The following TDRD9 variants were observed in gnomAD, a reference collection of about 807,000 sequenced individuals.
The protein encoded by TDRD9 is tudor domain containing 9.
In TDRD9, 124 loss-of-function variants were observed where a neutral mutation model predicts 172.6. That is an observed-to-expected ratio of 0.72 (90% CI 0.62 to 0.83). TDRD9 has a LOEUF of 0.83. TDRD9 is among the 40% of genes least tolerant of loss of function. The pLI is 0.00. For missense variants in TDRD9, 1,479 were observed against 1,714.1 expected (o/e 0.86, Z 2.42); for synonymous variants, 619 against 617.1 (o/e 1.00, Z -0.05).
chr14:103,985,351 A>G (rs942673344), intron 7 of TDRD9, among the ~76,000 whole-genome samples: 1 of 152,200 alleles, frequency 6.6e-6, no homozygotes, highest in Non-Finnish European at 1.5e-5. Context: ...TGTTCTTATG[A>G]TAGTGAGTAA....
intron 3 of TDRD9, among the ~76,000 whole-genome samples, chr14:103,964,368 C>CT (rs2032642171): frequency 2.6e-5 from 4 of 152,176 alleles, no homozygotes; most frequent in African/African-American, 9.7e-5. Flanking sequence ...TTTGCAGATT[C>CT]ATTACAAAAT....
At chr14:103,937,925 T>C (rs2030882375) in intron 1 of TDRD9, among the ~76,000 whole-genome samples, 1 of 152,008 alleles carries the variant, frequency 6.6e-6, no homozygotes, top group Non-Finnish European at 1.5e-5. Context: ...TTAAGTTGCC[T>C]GTGAGCATCC....
Position 103,952,190 on chromosome 14 carries a change from G to GTGTGTGTA in TDRD9, c.216-3473_216-3472insGTGTGTAT, listed in dbSNP as rs1366094210. On this transcript the variant is annotated intron_variant, in intron 1 of 35. Coordinates refer to ENST00000409874, the MANE Select transcript of TDRD9 (RefSeq NM_153046.3). ...TGTATATATGTGTGTGCGTGTGTGT[G>GTGTGTGTA]TATATATATATATATATATATATAT... Among the ~76,000 whole-genome samples, 136 of 55,518 alleles carry GTGTGTGTA rather than the reference G, an allele frequency of 2.4e-3. 1 individual carries two copies. The highest frequency in any genetic ancestry group is 8.8e-3 in the African/African-American group (128 of 14,528). 36.4% of individuals were successfully genotyped at this position (55,518 alleles called of 152,430 possible). A position where few individuals can be genotyped will look rare whatever the true frequency, so the allele number is the denominator to read the frequency against.
intron 4 of TDRD9, 37 bp from the exon 5 acceptor site, chr14:103,966,672 C>CTTTTTTTTTTTT: frequency 6.8e-7 from 1 of 1,466,468 alleles, no homozygotes; most frequent in Admixed American, 2.6e-5. Flanking sequence ...CTTTTTTTTT[C>CTTTTTTTTTTTT]TCTTTTTTCC....
intron 7 of TDRD9, among the ~76,000 whole-genome samples, chr14:103,976,217 C>A (rs2033233961): frequency 6.6e-6 from 1 of 151,908 alleles, no homozygotes; most frequent in Non-Finnish European, 1.5e-5. Flanking sequence ...TTTTTCATGG[C>A]TGAGTAGTAT....
intron 7 of TDRD9, among the ~76,000 whole-genome samples, chr14:103,978,891 G>T (rs2033361780): frequency 6.6e-6 from 1 of 152,090 alleles, no homozygotes; most frequent in South Asian, 2.1e-4. Context: ...CATATCTATT[G>T]TATCAAACAT....
intron 34 of TDRD9, among the ~76,000 whole-genome samples, chr14:104,048,307 T>G (rs2035840029): frequency 6.6e-6 from 1 of 152,218 alleles, no homozygotes. Context: ...GATGTGATCA[T>G]AGCTCACTGC....
At chr14:103,928,924 GTT>G (rs543255081) in intron 1 of TDRD9, 200 bp downstream of exon 1, 8,613 of 117,594 alleles carry the variant, frequency 0.073, 275 homozygotes, top group Middle Eastern at 0.12. Flanking sequence ...TGAGCTAGAG[GTT>G]TTTTTTTTTT....
intron 19 of TDRD9, among the ~76,000 whole-genome samples, chr14:104,008,071 G>A (rs993595304): frequency 3.9e-5 from 6 of 152,130 alleles, no homozygotes; most frequent in Non-Finnish European, 7.4e-5. Flanking sequence ...GAACCACCGC[G>A]CCTGGCTTAA....
chr14:104,048,597 T>C (rs1331282967), intron 34 of TDRD9, among the ~76,000 whole-genome samples: 1 of 152,148 alleles, frequency 6.6e-6, no homozygotes. Context: ...GTTCAGGCAC[T>C]TTTTGATTCT....
intron 23 of TDRD9, among the ~76,000 whole-genome samples, chr14:104,018,557 G>A (rs1222311284): frequency 6.6e-6 from 1 of 152,192 alleles, no homozygotes; most frequent in Non-Finnish European, 1.5e-5. Flanking sequence ...GGGCCATGAA[G>A]GTGATCCAAA....
intron 1 of TDRD9, among the ~76,000 whole-genome samples, chr14:103,929,775 C>T (rs1403517818): frequency 6.6e-6 from 1 of 152,258 alleles, no homozygotes. Flanking sequence ...CCACCTCAGC[C>T]TCCCAAAGTG....
In TDRD9 at chr14:104,025,647, C is replaced by G. The variant is rs373594772; in HGVS notation, c.2802C>G (p.Asn934Lys). ...EILKKLTAEI[N>K]QLTLVPLPTH... ...TGAAAAAGCTTACTGCTGAAATCAA[C>G]CAACTGACGCTGGTGCCCTTGCCCA... The change falls in exon 26 of 36, where the codon AAC becomes AAG. Residue 934 changes from asparagine to lysine, a missense_variant. Physicochemically the swap from Asn to Lys is moderately conservative, Grantham distance 94 (BLOSUM62 0). Coordinates refer to ENST00000409874, the MANE Select transcript of TDRD9 (RefSeq NM_153046.3). 9 of 1,613,908 alleles carry G rather than the reference C, an allele frequency of 5.6e-6. No individual in the cohort carries two copies. The highest frequency in any genetic ancestry group is 7.6e-6 in the Non-Finnish European group (9 of 1,179,902).
At chr14:104,048,263 A>G (rs1052593411) in intron 34 of TDRD9, among the ~76,000 whole-genome samples, 1 of 152,146 alleles carries the variant, frequency 6.6e-6, no homozygotes, top group Non-Finnish European at 1.5e-5. Flanking sequence ...TATAGAAACA[A>G]GGTCTCACTT....
At chr14:103,930,987 C>A (rs1029663099) in intron 1 of TDRD9, among the ~76,000 whole-genome samples, 1 of 151,998 alleles carries the variant, frequency 6.6e-6, no homozygotes, top group Admixed American at 6.5e-5. Context: ...ACATACTAAT[C>A]GCAGTTAAAA....
In TDRD9 at chr14:104,049,694, A is replaced by C. The variant is rs1202879580; in HGVS notation, c.4047+14A>C. Reference sequence around the variant, plus strand: ...GAGTGGAATCAGGTGAGTGGGACGCAGGCTGCTACATGAGCAGAGGCCACG... The same window carrying C: ...GAGTGGAATCAGGTGAGTGGGACGCCGGCTGCTACATGAGCAGAGGCCACG... On this transcript the variant is annotated intron_variant, in intron 35 of 35. Coordinates refer to ENST00000409874, the MANE Select transcript of TDRD9 (RefSeq NM_153046.3). The C allele has an allele frequency of 6.4e-7, 1 of 1,568,462 alleles. No homozygotes were observed. The highest frequency in any genetic ancestry group is 8.6e-7 in the Non-Finnish European group (1 of 1,156,796).
At chr14:103,994,427 G>A (rs368042547) in intron 10 of TDRD9, 41 bp downstream of exon 10, 3 of 1,604,994 alleles carry the variant, frequency 1.9e-6, no homozygotes, top group South Asian at 1.1e-5. Context: ...CTAAGCCATT[G>A]CATTGTTTCT....
At position 103,998,519 on chromosome 14, in the gene TDRD9, C is replaced by G; in HGVS notation, c.1379-105C>G. The G allele has an allele frequency of 4.1e-6, 3 of 731,808 alleles. No homozygotes were observed. The Admixed American group carries it at 6.7e-5, about 16-fold the overall frequency. The allele number at this position is 731,808 out of a possible 1,614,324, so 45.3% of individuals were successfully genotyped here. On this transcript the variant is annotated intron_variant, in intron 12 of 35. Transcript: ENST00000409874. ...AAACGTTTCTGCCTGTTCACTAATT[C>G]TTAAGGCTGCATGTTTCAAATGGCT... is the stretch of plus-strand genomic sequence containing the variant.
At chr14:103,937,069 C>T (rs763016886) in intron 1 of TDRD9, among the ~76,000 whole-genome samples, 1 of 152,198 alleles carries the variant, frequency 6.6e-6, no homozygotes, top group Non-Finnish European at 1.5e-5. Context: ...GCCTGGGCAA[C>T]AGAGCAAGAG....
Sources: gnomAD v4.1 joint callset for allele counts (sites outside exome capture counted in the v4.1 genomes callset) on GRCh38, gnomAD v4.1.1 for gene constraint, MANE v1.5 for transcripts, NCBI Gene and HGNC (gene_info 2026-07-23, HGNC 2026-07-21) for gene names.